INPP5A: variants seen among roughly 807,000 people sequenced by gnomAD.
The protein encoded by INPP5A is 43 kDa inositol polyphosphate 5-phophatase.
Under a neutral mutation model 65.2 loss-of-function variants are expected in INPP5A, and 14 were observed. That is an observed-to-expected ratio of 0.21 (90% CI 0.14 to 0.34). The LOEUF (loss-of-function observed/expected upper bound fraction) is 0.34. Among genes scored for constraint, INPP5A ranks in the 10% least tolerant of loss-of-function variants. The probability of loss-of-function intolerance (pLI) is 1.00; values close to 1 mark genes in which losing one functional copy is unlikely to be tolerated. For missense variants in INPP5A, 431 were observed against 545.6 expected (o/e 0.79, Z 2.09); for synonymous variants, 207 against 208.3 (o/e 0.99, Z 0.05).
At chr10:132,765,017 G>A (rs1159518491) in intron 11 of INPP5A, among the ~76,000 whole-genome samples, 3 of 142,346 alleles carry the variant, frequency 2.1e-5, no homozygotes, top group South Asian at 4.3e-4. Flanking sequence ...GAACACGGCC[G>A]GGCCAGTCCT....
At position 132,779,127 on chromosome 10, in the gene INPP5A, C is replaced by G. The variant is rs748821537; in HGVS notation, c.1089+1345C>G. Among the ~76,000 whole-genome samples, 10 of 152,398 alleles carry G rather than the reference C, an allele frequency of 6.6e-5. No homozygotes were observed. The South Asian group carries it at 2.1e-3, about 32-fold the overall frequency. On this transcript the variant is annotated intron_variant, in intron 13 of 15. Transcript: ENST00000368594. ...AGCCAGCCTGGCTCCTCCGCAGCCC[C>G]ACCTCTGGCCTGTGGGCAGGGCCTG...
At chr10:132,756,975 A>G (rs983223753) in intron 11 of INPP5A, among the ~76,000 whole-genome samples, 23 of 152,258 alleles carry the variant, frequency 1.5e-4, no homozygotes, top group Non-Finnish European at 1.2e-4. Flanking sequence ...TTAAATATAA[A>G]GAATAGGCAA....
chr10:132,754,322 C>T (rs992355870), intron 11 of INPP5A, among the ~76,000 whole-genome samples: 6 of 152,250 alleles, frequency 3.9e-5, no homozygotes, highest in South Asian at 2.1e-4. Context: ...ACGGTGAGCC[C>T]GTGTCCAATG....
At position 132,575,877 on chromosome 10, in the gene INPP5A, G is replaced by A. The variant is rs375874667; in HGVS notation, c.76-32038G>A. On this transcript the variant is annotated intron_variant, in intron 1 of 15. Transcript: ENST00000368594. This position sits in a 1 kb window ranked among gnomAD's most constrained non-coding sequence, Gnocchi z 5.4. The stretch of plus-strand genomic sequence containing the variant: ...TGATTGTTTGCTTCTCACACTCCCT[G>A]CCAAAGGACCTGCTTGATGCCACTG... 3.0e-4 allele frequency among the ~76,000 whole-genome samples: 45 copies of A among 152,246 alleles called. No homozygotes were observed. In the South Asian group the frequency reaches 9.3e-3, roughly 32 times the overall value.
At chr10:132,632,947 C>G (rs553097485) in intron 2 of INPP5A, among the ~76,000 whole-genome samples, 8 of 152,312 alleles carry the variant, frequency 5.3e-5, no homozygotes, top group African/African-American at 1.9e-4. Context: ...ATTCACACCT[C>G]GGAAGGGCAG....
chr10:132,707,809 G>A lies in INPP5A; in HGVS notation c.475-504G>A, dbSNP rs1447659968. Among the ~76,000 whole-genome samples, 1 of 151,978 alleles carries A rather than the reference G, an allele frequency of 6.6e-6. No homozygotes were observed. The highest frequency in any genetic ancestry group is 2.4e-5 in the African/African-American group (1 of 41,412). The stretch of plus-strand genomic sequence containing the variant: ...GCATCGGTGGGTGAGAGGCATCGGT[G>A]GGTGAACGGCATCGGTGGGTGAGAG... On this transcript the variant is annotated intron_variant, in intron 6 of 15. Coordinates refer to ENST00000368594, the MANE Select transcript of INPP5A (RefSeq NM_005539.5). The surrounding 1 kb of genome is among the most constrained non-coding windows in gnomAD (Gnocchi z 5.5).
intron 5 of INPP5A, among the ~76,000 whole-genome samples, chr10:132,691,435 G>A (rs1301793367): frequency 1.3e-5 from 2 of 152,236 alleles, no homozygotes; most frequent in East Asian, 1.9e-4. Context: ...GGCACGGAGC[G>A]GCCGGCGAGA....
rs552850577 is a variant in INPP5A, at chr10:132,704,966, T to C, written c.475-3347T>C. 0.011 allele frequency among the ~76,000 whole-genome samples: 1,583 copies of C among 149,892 alleles called. 19 individuals carry two copies. Among genetic ancestry groups the C allele is most frequent in the African/African-American group, 0.037 (1,493 of 40,536 alleles). On this transcript the variant is annotated intron_variant, in intron 6 of 15. Coordinates refer to ENST00000368594, the MANE Select transcript of INPP5A (RefSeq NM_005539.5). This position sits in a 1 kb window ranked among gnomAD's most constrained non-coding sequence, Gnocchi z 4.5. Reference sequence around the variant, plus strand: ...GTGTGGAGGATGGAGGAAGGGCGTCTGGACAGGCGGCAGGCAGCTCCTCTG... The same window carrying C: ...GTGTGGAGGATGGAGGAAGGGCGTCCGGACAGGCGGCAGGCAGCTCCTCTG...
intron 4 of INPP5A, among the ~76,000 whole-genome samples, chr10:132,672,907 T>C (rs895971648): frequency 6.6e-6 from 1 of 152,204 alleles, no homozygotes; most frequent in Admixed American, 6.5e-5. Flanking sequence ...GTCGTGGTTT[T>C]TTTCCTGGTG....
Position 132,698,529 on chromosome 10 carries a change from C to G in INPP5A, c.474+610C>G, listed in dbSNP as rs952906111. On this transcript the variant is annotated intron_variant, in intron 6 of 15. Transcript: ENST00000368594. The surrounding 1 kb of genome is among the most constrained non-coding windows in gnomAD (Gnocchi z 5.5). ...GCACTTTGCTGAGCTGTGTGCGCGG[C>G]TGTTGCTCTGTGCACGTGATCTTTG... 3.3e-5 allele frequency among the ~76,000 whole-genome samples: 5 copies of G among 152,258 alleles called. No homozygotes were observed. Among genetic ancestry groups the G allele is most frequent in the African/African-American group, 1.2e-4 (5 of 41,466 alleles).
chr10:132,753,287 G>A lies in INPP5A; in HGVS notation c.903+3442G>A, dbSNP rs1846530722. 1.3e-5 allele frequency among the ~76,000 whole-genome samples: 2 copies of A among 152,240 alleles called. No individual in the cohort carries two copies. The highest frequency in any genetic ancestry group is 2.4e-5 in the African/African-American group (1 of 41,544). ...CCTGGGGAGATAATCCCATCTCCAC[G>A]GTCCGGTTAAACACACAGCACCGCA... is the stretch of plus-strand genomic sequence containing the variant. On this transcript the variant is annotated intron_variant, in intron 11 of 15. Coordinates refer to ENST00000368594, the MANE Select transcript of INPP5A (RefSeq NM_005539.5). This position sits in a 1 kb window ranked among gnomAD's most constrained non-coding sequence, Gnocchi z 5.3.
intron 4 of INPP5A, among the ~76,000 whole-genome samples, chr10:132,672,254 T>A (rs1564958384): frequency 6.6e-6 from 1 of 152,254 alleles, no homozygotes; most frequent in African/African-American, 2.4e-5. Context: ...ATTTAAGTAT[T>A]GTCAACTTTA....
chr10:132,686,037 G>A (rs556795601), intron 4 of INPP5A, among the ~76,000 whole-genome samples: 1 of 152,370 alleles, frequency 6.6e-6, no homozygotes, highest in East Asian at 1.9e-4. Context: ...CAGTTGGTGT[G>A]GAAGCCTGAT....
In INPP5A at chr10:132,697,698, T is replaced by TC. The variant is rs1343463808; in HGVS notation, c.371-117dup. The TC allele has an allele frequency of 5.7e-6, 4 of 702,238 alleles. No homozygotes were observed. In the East Asian group the frequency reaches 1.1e-4, roughly 19 times the overall value. 43.5% of individuals were successfully genotyped at this position (702,238 alleles called of 1,614,324 possible). On this transcript the variant is annotated intron_variant, in intron 5 of 15. Coordinates refer to ENST00000368594, the MANE Select transcript of INPP5A (RefSeq NM_005539.5). The surrounding 1 kb of genome is among the most constrained non-coding windows in gnomAD (Gnocchi z 5.6). ...TCGGACCCCTCATCAGGGCCTCCTC[T>TC]CGGGGGGCCTCTCTGGCTCCCATCG...
intron 4 of INPP5A, among the ~76,000 whole-genome samples, chr10:132,689,628 A>G (rs1845222323): frequency 6.6e-6 from 1 of 152,244 alleles, no homozygotes; most frequent in Non-Finnish European, 1.5e-5. Context: ...AGAAAAAAAT[A>G]CACAGAAATA....
chr10:132,641,371 A>G (rs1286032499), intron 2 of INPP5A, among the ~76,000 whole-genome samples: 1 of 152,254 alleles, frequency 6.6e-6, no homozygotes, highest in Non-Finnish European at 1.5e-5. Flanking sequence ...ATTCTAGACC[A>G]TAATTCTGTC....
intron 2 of INPP5A, among the ~76,000 whole-genome samples, chr10:132,633,319 G>C (rs2072298371): frequency 6.6e-6 from 1 of 152,218 alleles, no homozygotes; most frequent in Non-Finnish European, 1.5e-5. Context: ...CTCACTTGCA[G>C]AGGAAATATT....
intron 2 of INPP5A, among the ~76,000 whole-genome samples, chr10:132,610,357 T>G (rs895766003): frequency 8.4e-5 from 12 of 142,428 alleles, no homozygotes; most frequent in Non-Finnish European, 9.3e-5. Flanking sequence ...AGCCCAGTGA[T>G]GGGGGTGGGG....
At chr10:132,720,428 T>G (rs1284362708) in intron 8 of INPP5A, among the ~76,000 whole-genome samples, 2 of 144,022 alleles carry the variant, frequency 1.4e-5, no homozygotes, top group Non-Finnish European at 3.0e-5. Context: ...ACCTGGGTTC[T>G]GTCTGGGCGC....
Sources: gnomAD v4.1 joint callset for allele counts (sites outside exome capture counted in the v4.1 genomes callset) on GRCh38, gnomAD v4.1.1 for gene constraint, Gnocchi (gnomAD v3.1) non-coding constraint, MANE v1.5 for transcripts, NCBI Gene and HGNC (gene_info 2026-07-23, HGNC 2026-07-21) for gene names.